Variants in TNN observed in about 807,000 individuals in gnomAD.
The protein encoded by TNN is tenascin-N.
A neutral mutation model predicts 134.4 loss-of-function variants in TNN; 122 were observed. The ratio of observed to expected loss-of-function variants is 0.91; its 90% CI spans 0.78 to 1.06. The LOEUF is 1.06. Among genes scored for constraint, TNN ranks in the 50% least tolerant of loss-of-function variants. The pLI is 0.00. For synonymous variants in TNN, 710 were observed against 670.3 expected, an observed-to-expected ratio of 1.06 and a Z score of -0.91; for missense variants, 1,739 against 1,699.4, an observed-to-expected ratio of 1.02 and a Z score of -0.41.
intron 10 of TNN, among the ~76,000 whole-genome samples, chr1:175,117,559 T>G (rs1438776690): frequency 1.3e-5 from 2 of 152,096 alleles, no homozygotes; most frequent in Non-Finnish European, 2.9e-5. Context: ...ATATTGAAAA[T>G]TTGACTTTAA....
Position 175,117,197 on chromosome 1 carries a change from C to T in TNN, c.2378C>T (p.Ala793Val). The change falls in exon 10 of 19, where the codon GCC (alanine) becomes GTC (valine). Residue 793 changes from alanine to valine, a missense_variant. Ala to Val is a moderately conservative substitution (Grantham distance 64, BLOSUM62 0). Transcript: ENST00000239462. The part of the protein sequence containing the change: ...AQESKKADTK[A>V]QTDIDSPQNL... ...GAGAGCAAGAAGGCTGACACCAAGGCCCAGACAGGTAAGGAGCATTGTTCT... is the reference window on the plus strand; with the variant it reads ...GAGAGCAAGAAGGCTGACACCAAGGTCCAGACAGGTAAGGAGCATTGTTCT... 6.2e-7 allele frequency: 1 copy of T among 1,614,206 alleles called. No individual in the cohort carries two copies. Among genetic ancestry groups the T allele is most frequent in the Non-Finnish European group, 8.5e-7 (1 of 1,180,036 alleles).
chr1:175,135,574 C>T (rs1025640118), intron 15 of TNN, among the ~76,000 whole-genome samples: 7 of 152,198 alleles, frequency 4.6e-5, no homozygotes, highest in South Asian at 4.1e-4. Context: ...AACTGAATCA[C>T]ACAACTAATG....
At position 175,077,591 on chromosome 1, in the gene TNN, T is replaced by C. The variant is rs144398235; in HGVS notation, c.173T>C (p.Val58Ala). The change falls in exon 2 of 19, where the codon GTT becomes GCT. Residue 58 changes from valine to alanine, a missense_variant. Val to Ala is a moderately conservative substitution (Grantham distance 64). Transcript: ENST00000239462. ...IDVPKSALVQ[V>A]DADPQPLSDD... ...GTGCCCAAGTCTGCCTTGGTTCAGG[T>C]TGACGCTGACCCTCAGCCCCTCAGT... The C allele has an allele frequency of 5.0e-6, 8 of 1,614,112 alleles. No individual in the cohort carries two copies. In the African/African-American group the frequency reaches 6.7e-5, roughly 13 times the overall value.
At chr1:175,090,057 A>G (rs1177623633) in intron 6 of TNN, among the ~76,000 whole-genome samples, 1 of 152,180 alleles carries the variant, frequency 6.6e-6, no homozygotes, top group Non-Finnish European at 1.5e-5. Context: ...GGGCTTCTGT[A>G]TATTGTGAGA....
chr1:175,084,623 T>C (rs904009398), intron 5 of TNN, among the ~76,000 whole-genome samples: 3 of 152,166 alleles, frequency 2.0e-5, no homozygotes, highest in Admixed American at 2.0e-4. Context: ...ATTAGCTTCA[T>C]GGTAAATTCC....
chr1:175,083,593 TA>T lies in TNN; in HGVS notation c.1049-156del, dbSNP rs1674250929. ...ACCAGCAGCTTAGTTGCTACTTTGG[TA>T]GCTCAAAGACACCTGCTAAGAACTG... is the stretch of plus-strand genomic sequence containing the variant. On this transcript the variant is annotated intron_variant, in intron 4 of 18. Coordinates refer to ENST00000239462, the MANE Select transcript of TNN (RefSeq NM_022093.2). Among the ~76,000 whole-genome samples, 3 of 152,320 alleles carry T rather than the reference TA, an allele frequency of 2.0e-5. No individual in the cohort carries two copies. The South Asian group carries it at 6.2e-4, about 32-fold the overall frequency.
At chr1:175,097,393 T>G in intron 7 of TNN, 24 bp from the exon 8 acceptor site, 1 of 1,613,568 alleles carries the variant, frequency 6.2e-7, no homozygotes, top group African/African-American at 1.3e-5. Context: ...AAGGCTACAT[T>G]CTTCTTTCAT....
Position 175,097,590 on chromosome 1 carries a change from AC to A in TNN, c.1763del (p.Thr588LysfsTer3), listed in dbSNP as rs1167439958. 1 of 1,614,094 alleles carries A rather than the reference AC, an allele frequency of 6.2e-7. No individual in the cohort carries two copies. The highest frequency in any genetic ancestry group is 2.2e-5 in the East Asian group (1 of 44,894). ...GAAGGAGCAGAGCAGCACTGTCCTGACAGGCCTGAGGCCAGGTGTGGAGTAC... is the reference window on the plus strand; with the variant it reads ...GAAGGAGCAGAGCAGCACTGTCCTGAAGGCCTGAGGCCAGGTGTGGAGTAC... The part of the protein sequence containing the change: ...VGKEQSSTVL[T>X]GLRPGVEYTV... On this transcript the variant is annotated frameshift_variant, in exon 8 of 19. Coordinates refer to ENST00000239462, the MANE Select transcript of TNN (RefSeq NM_022093.2). LOFTEE classifies it high-confidence loss of function.
intron 9 of TNN, among the ~76,000 whole-genome samples, chr1:175,110,027 G>T (rs1175368487): frequency 6.6e-6 from 1 of 152,020 alleles, no homozygotes; most frequent in East Asian, 1.9e-4. Context: ...GTTATTGTTT[G>T]TCTTTTTGAT....
At chr1:175,114,309 GTT>G (rs1188388208) in intron 9 of TNN, among the ~76,000 whole-genome samples, 1 of 152,210 alleles carries the variant, frequency 6.6e-6, no homozygotes, top group Admixed American at 6.5e-5. Context: ...CTTTGGCTGT[GTT>G]TGACATCAGC....
chr1:175,140,855 A>G (rs562357781), intron 17 of TNN, among the ~76,000 whole-genome samples: 53 of 152,322 alleles, frequency 3.5e-4, no homozygotes, highest in African/African-American at 1.3e-3. Context: ...TTTGTCCATG[A>G]GGAGGGTTTC....
At chr1:175,134,556 AAAC>A (rs912878986) in intron 15 of TNN, among the ~76,000 whole-genome samples, 70 of 151,914 alleles carry the variant, frequency 4.6e-4, no homozygotes, top group Admixed American at 1.2e-3. Context: ...AAAAACAAAC[AAAC>A]AACAACAACA....
intron 3 of TNN, 108 bp downstream of exon 3, chr1:175,079,815 C>A: frequency 7.2e-7 from 1 of 1,398,512 alleles, no homozygotes; most frequent in Non-Finnish European, 9.4e-7. Flanking sequence ...TTAGCCTACG[C>A]CAGATTGCTG....
chr1:175,141,787 C>T (rs1290453692), intron 17 of TNN, among the ~76,000 whole-genome samples: 1 of 152,178 alleles, frequency 6.6e-6, no homozygotes, highest in East Asian at 1.9e-4. Context: ...AGTTTGGGCA[C>T]AGACCTTTCA....
chr1:175,128,869 A>C, intron 15 of TNN, 123 bp downstream of exon 15: 1 of 1,108,714 alleles, frequency 9.0e-7, no homozygotes, highest in South Asian at 2.5e-5. Flanking sequence ...GGAAGAGAGG[A>C]GTTTTGGTGG....
At chr1:175,119,882 CCTA>C in intron 11 of TNN, among the ~76,000 whole-genome samples, 1 of 152,140 alleles carries the variant, frequency 6.6e-6, no homozygotes, top group Non-Finnish European at 1.5e-5. Context: ...TCGTGATCCG[CCTA>C]CCATGGCCTC....
rs57690785 is a variant in TNN at position 175,118,547 on chromosome 1, AT to A, written c.2387-4del. The stretch of plus-strand genomic sequence containing the variant: ...CTGTTCATAGTGCATATTGGTCAGC[AT>A]TTTTTTTTTCAGACATTGACAGCCC... On this transcript the variant is annotated splice_polypyrimidine_tract_variant and intron_variant, in intron 10 of 18. Coordinates refer to ENST00000239462, the MANE Select transcript of TNN (RefSeq NM_022093.2). 593 of 1,520,200 alleles carry A rather than the reference AT, an allele frequency of 3.9e-4. 3 individuals carry two copies. The highest frequency in any genetic ancestry group is 3.8e-3 in the African/African-American group (273 of 72,014). 94.2% of individuals were successfully genotyped at this position (1,520,200 alleles called of 1,614,324 possible). A position where few individuals can be genotyped will look rare whatever the true frequency, so the allele number is the denominator to read the frequency against.
chr1:175,118,460 C>T, intron 10 of TNN, 101 bp from the exon 11 acceptor site: 1 of 1,419,080 alleles, frequency 7.0e-7, no homozygotes, highest in East Asian at 2.3e-5. Context: ...GGCGGAAACC[C>T]CACACAACAT....
rs1463711655 is a variant in TNN, at chr1:175,097,674, G to A, written c.1846G>A (p.Ala616Thr). ...DRESKKADTN[A>T]PTDIDSPKNL... is the part of the protein sequence containing the mutation. ...AGAGAGCAAGAAGGCTGACACCAAC[G>A]CCCCGACAGGTAACAAAAGAGAGAT... Residue 616 changes from alanine to threonine, a missense_variant, in exon 8 of 19, where the codon GCC becomes ACC. Transcript: ENST00000239462. 9.9e-6 allele frequency: 16 copies of A among 1,614,122 alleles called. No individual in the cohort carries two copies. The highest frequency in any genetic ancestry group is 1.3e-5 in the Non-Finnish European group (15 of 1,179,998).
Sources: gnomAD v4.1 joint callset for allele counts (sites outside exome capture counted in the v4.1 genomes callset) on GRCh38, gnomAD v4.1.1 for gene constraint, MANE v1.5 for transcripts, NCBI Gene and HGNC (gene_info 2026-07-23, HGNC 2026-07-21) for gene names.